Variants in FAM186B observed in about 807,000 individuals in gnomAD.
FAM186B encodes the protein family with sequence similarity 186 member B.
FAM186B carries 68 observed loss-of-function variants against 83.4 expected under a neutral mutation model. The observed-to-expected ratio is 0.81, with a 90% CI of 0.67 to 1.00. FAM186B has a LOEUF of 1.00. FAM186B is among the 50% of genes least tolerant of loss of function. FAM186B has a pLI of 0.00. For missense variants in FAM186B, 983 were observed against 1,099.2 expected, an observed-to-expected ratio of 0.89 and a Z score of 1.49; for synonymous variants, 389 against 422.0, an observed-to-expected ratio of 0.92 and a Z score of 0.96.
chr12:49,617,727 T>TA, the FAM186B span, among the ~76,000 whole-genome samples: 4,177 of 152,152 alleles, frequency 0.027, 205 homozygotes, highest in African/African-American at 0.094. Context: ...AGTTTCTGGG[T>TA]AAAAAATGGT....
chr12:49,618,649 G>C, the FAM186B span, among the ~76,000 whole-genome samples: 5 of 152,096 alleles, frequency 3.3e-5, no homozygotes, highest in African/African-American at 1.2e-4. Context: ...TAAAAATAAA[G>C]TGAAAGTGAT....
intron 5 of FAM186B, among the ~76,000 whole-genome samples, chr12:49,590,552 A>G (rs1041678299): frequency 2.6e-5 from 4 of 152,130 alleles, no homozygotes; most frequent in Admixed American, 2.0e-4. Flanking sequence ...AACCAGGTCT[A>G]TACATTTTGG....
chr12:49,585,593 C>T (rs1352334624), downstream of FAM186B, among the ~76,000 whole-genome samples: 7 of 152,180 alleles, frequency 4.6e-5, no homozygotes, highest in Admixed American at 6.5e-5. Flanking sequence ...CCTCACATGC[C>T]GAGAGGACGC....
upstream of FAM186B, among the ~76,000 whole-genome samples, chr12:49,606,614 C>T (rs1940029083): frequency 6.6e-6 from 1 of 151,918 alleles, no homozygotes; most frequent in Non-Finnish European, 1.5e-5. Flanking sequence ...TACCTAATAA[C>T]ATTGCTTCAA....
the FAM186B span, among the ~76,000 whole-genome samples, chr12:49,618,302 G>A: frequency 6.6e-6 from 1 of 151,112 alleles, no homozygotes; most frequent in Non-Finnish European, 1.5e-5. Context: ...CTGAGATCAC[G>A]CCACTGCACT....
Position 49,603,251 on chromosome 12 carries a change from T to C in FAM186B, c.439A>G (p.Arg147Gly). 2 of 1,614,208 alleles carry C rather than the reference T, an allele frequency of 1.2e-6. No homozygotes were observed. Among genetic ancestry groups the C allele is most frequent in the Non-Finnish European group, 1.7e-6 (2 of 1,180,028 alleles). Residue 147 changes from arginine to glycine, a missense_variant, in exon 3 of 7, where the codon AGA becomes GGA. Transcript: ENST00000257894. ...AGGGCAGTGAGTGACTCGATGCCTCTTTTGGTGGCAATGAGGGACAGCGGT... is the reference window on the plus strand; with the variant it reads ...AGGGCAGTGAGTGACTCGATGCCTCCTTTGGTGGCAATGAGGGACAGCGGT... ...VLPLSLIATKRGIESLTALCS... is the reference protein window; with the variant it reads ...VLPLSLIATKGGIESLTALCS...
rs1368112181 is a variant in FAM186B, at chr12:49,601,061, T to A, written c.579A>T (p.Leu193=). The A allele has an allele frequency of 6.2e-7, 1 of 1,611,668 alleles. No individual in the cohort carries two copies. The highest frequency in any genetic ancestry group is 8.5e-7 in the Non-Finnish European group (1 of 1,178,580). Residue 193 remains leucine, a synonymous_variant, in exon 4 of 7, where the codon CTA becomes CTT. Transcript: ENST00000257894. ...PQTSPSHPQP[L]SPEQMLQDQH... is the part of the protein sequence containing the mutation. ...GGTCCTGGAGCATCTGTTCTGGGCT[T>A]AGTGGCTGAGGATGGGATGGAGATG...
At chr12:49,588,365 C>A in intron 6 of FAM186B, 89 bp downstream of exon 6, 1 of 1,481,256 alleles carries the variant, frequency 6.8e-7, no homozygotes, top group African/African-American at 1.4e-5. Context: ...GGTGCCCTCA[C>A]TTCACTGCCC....
In FAM186B at chr12:49,588,232, C is replaced by CA. The variant is rs1592542446; in HGVS notation, c.2534+221dup. Among the ~76,000 whole-genome samples the CA allele has an allele frequency of 2.0e-5, 3 of 152,348 alleles. No homozygotes were observed. The East Asian group carries it at 5.8e-4, about 29-fold the overall frequency. On this transcript the variant is annotated intron_variant, in intron 6 of 6. Transcript: ENST00000257894. ...GTCGCATAGTTTGAAATGCACTGGT[C>CA]AGGCTAGTCCCTGAAGCCCACACAC...
chr12:49,596,099 A>G lies in FAM186B; in HGVS notation c.2364+2656T>C, dbSNP rs567294413. 2.6e-5 allele frequency among the ~76,000 whole-genome samples: 4 copies of G among 152,320 alleles called. No individual in the cohort carries two copies. The South Asian group carries it at 8.3e-4, about 32-fold the overall frequency. On this transcript the variant is annotated intron_variant, in intron 5 of 6. Transcript: ENST00000257894. ...TTCGCTCTAGACAAAACAATGGTAG[A>G]TTAATGTGTTCAGAAGCCACCGTCA... is the stretch of plus-strand genomic sequence containing the variant.
chr12:49,595,046 G>A, intron 5 of FAM186B: 1 of 223,272 alleles, frequency 4.5e-6, no homozygotes, highest in Non-Finnish European at 8.9e-6. Flanking sequence ...TCACATTATT[G>A]TTAGGAAAAT....
In FAM186B at chr12:49,587,695, G is replaced by T; in HGVS notation, c.2592C>A (p.Tyr864Ter). ...TGGCAGGGGTCTTTTTTTCTATTGC[G>T]TAACTGGAGGAGGCCACCTCGGTCT... The part of the protein sequence containing the change: ...VWKTEVASSS[Y>*]AIEKKTPASL... The change falls in exon 7 of 7, where the codon TAC becomes TAA. Residue 864 changes from tyrosine to a stop codon, truncating the protein, a stop_gained. Coordinates refer to ENST00000257894, the MANE Select transcript of FAM186B (RefSeq NM_032130.3). LOFTEE classifies it low-confidence loss of function (END_TRUNC). 1 of 1,614,084 alleles carries T rather than the reference G, an allele frequency of 6.2e-7. No homozygotes were observed. The highest frequency in any genetic ancestry group is 1.1e-5 in the South Asian group (1 of 91,078).
upstream of FAM186B, among the ~76,000 whole-genome samples, chr12:49,606,396 G>T (rs778894222): frequency 2.6e-5 from 4 of 151,770 alleles, no homozygotes; most frequent in Non-Finnish European, 4.4e-5. Context: ...TTGAGAGGTT[G>T]AGATGGGAGG....
the FAM186B span, among the ~76,000 whole-genome samples, chr12:49,617,803 A>G: frequency 3.1e-3 from 476 of 152,354 alleles, 4 homozygotes; most frequent in African/African-American, 0.011. Context: ...TTTTAAAGGC[A>G]TAAATCCATA....
chr12:49,594,744 G>A (rs957777267), intron 5 of FAM186B, among the ~76,000 whole-genome samples: 3 of 152,006 alleles, frequency 2.0e-5, no homozygotes, highest in Non-Finnish European at 2.9e-5. Context: ...GCATGGTGGC[G>A]CATGCCTGTA....
At chr12:49,618,464 G>A in the FAM186B span, among the ~76,000 whole-genome samples, 1 of 151,762 alleles carries the variant, frequency 6.6e-6, no homozygotes. Flanking sequence ...CAACCAAGGA[G>A]TCTAAGACCT....
downstream of FAM186B, among the ~76,000 whole-genome samples, chr12:49,585,452 TCAGA>T (rs1471749047): frequency 1.3e-5 from 2 of 152,042 alleles, no homozygotes; most frequent in Non-Finnish European, 2.9e-5. Context: ...CTCCCACCTG[TCAGA>T]CAGAGAACCC....
intron 5 of FAM186B, among the ~76,000 whole-genome samples, chr12:49,596,927 A>G (rs1939740778): frequency 6.6e-6 from 1 of 152,230 alleles, no homozygotes; most frequent in Non-Finnish European, 1.5e-5. Context: ...ACAGTCGTGC[A>G]CTGCATAACA....
upstream of FAM186B, among the ~76,000 whole-genome samples, chr12:49,610,308 C>T (rs1018950817): frequency 4.6e-5 from 7 of 152,178 alleles, no homozygotes; most frequent in African/African-American, 1.7e-4. Flanking sequence ...AAGGATCGCA[C>T]TAGATGTCTA....
Sources: allele counts gnomAD v4.1 joint callset (sites outside exome capture counted in the v4.1 genomes callset), GRCh38; gene constraint gnomAD v4.1.1; transcripts MANE v1.5; gene names NCBI Gene and HGNC (gene_info 2026-07-23, HGNC 2026-07-21).